The following PTPRT variants were observed in gnomAD, a reference collection of about 807,000 sequenced individuals.
The protein encoded by PTPRT is protein tyrosine phosphatase receptor type T.
Under a neutral mutation model 176.8 loss-of-function variants are expected in PTPRT, and 56 were observed. The observed-to-expected ratio is 0.32, with a 90% CI of 0.26 to 0.40. PTPRT has a LOEUF of 0.40. Among genes scored for constraint, PTPRT ranks in the 10% least tolerant of loss-of-function variants. PTPRT has a pLI of 1.00. For synonymous variants in PTPRT, 783 were observed against 739.0 expected, an observed-to-expected ratio of 1.06 and a Z score of -0.96; for missense variants, 1,540 against 1,908.2, an observed-to-expected ratio of 0.81 and a Z score of 3.60.
At chr20:43,017,703 C>T (rs940795023) in intron 1 of PTPRT, among the ~76,000 whole-genome samples, 4 of 152,226 alleles carry the variant, frequency 2.6e-5, no homozygotes, top group African/African-American at 9.6e-5. Flanking sequence ...AAATTCCATC[C>T]TGTCTCAGAC....
intron 7 of PTPRT, among the ~76,000 whole-genome samples, chr20:42,487,489 C>A (rs60286148): frequency 6.6e-6 from 1 of 152,158 alleles, no homozygotes; most frequent in Non-Finnish European, 1.5e-5. Context: ...GCAAAAAGAA[C>A]ACTGTGAACG....
At chr20:43,125,571 A>C (rs1456354173) in intron 1 of PTPRT, among the ~76,000 whole-genome samples, 1 of 152,238 alleles carries the variant, frequency 6.6e-6, no homozygotes, top group African/African-American at 2.4e-5. Flanking sequence ...TGGCTTGAGC[A>C]AAACTTGTAT....
intron 12 of PTPRT, among the ~76,000 whole-genome samples, chr20:42,284,697 G>A (rs1283356863): frequency 6.6e-6 from 1 of 152,000 alleles, no homozygotes; most frequent in Non-Finnish European, 1.5e-5. Context: ...TCTCCAATCA[G>A]TGCAAAGACT....
At chr20:42,206,525 G>C (rs373956015) in intron 15 of PTPRT, among the ~76,000 whole-genome samples, 1 of 152,000 alleles carries the variant, frequency 6.6e-6, no homozygotes, top group Non-Finnish European at 1.5e-5. Context: ...GGTGACGGAC[G>C]GCACCTGGAA....
At chr20:42,634,844 AACTTG>A (rs751321886) in intron 7 of PTPRT, among the ~76,000 whole-genome samples, 6 of 152,124 alleles carry the variant, frequency 3.9e-5, no homozygotes, top group Non-Finnish European at 8.8e-5. Flanking sequence ...AAATCATTAT[AACTTG>A]ACTTATTATA....
chr20:42,335,832 TAAAC>T (rs2058032171), intron 11 of PTPRT, among the ~76,000 whole-genome samples: 1 of 152,080 alleles, frequency 6.6e-6, no homozygotes, highest in African/African-American at 2.4e-5. Flanking sequence ...TATAACGAAT[TAAAC>T]AAAAAAGCCC....
At position 42,691,350 on chromosome 20, in the gene PTPRT, G is replaced by C. The variant is rs537197678; in HGVS notation, c.860-13191C>G. Among the ~76,000 whole-genome samples, 39 of 152,328 alleles carry C rather than the reference G, an allele frequency of 2.6e-4. No individual in the cohort carries two copies. The South Asian group carries it at 8.1e-3, about 32-fold the overall frequency. On this transcript the variant is annotated intron_variant, in intron 6 of 30. Coordinates refer to ENST00000373187, the MANE Select transcript of PTPRT (RefSeq NM_007050.6). ...TACGCTACCAGCCACAGAAAGAAAG[G>C]CTTACGCAGAAGGTGTCTGTGGCTT...
intron 16 of PTPRT, among the ~76,000 whole-genome samples, chr20:42,197,068 C>T (rs144210102): frequency 3.3e-5 from 5 of 152,164 alleles, no homozygotes; most frequent in East Asian, 3.9e-4. Flanking sequence ...CTCTGCAGGA[C>T]GACAGCCCTA....
rs192561880 is a variant in PTPRT, at chr20:42,273,780, T to G, written c.2176+8709A>C. On this transcript the variant is annotated intron_variant, in intron 13 of 30. Transcript: ENST00000373187. ...ATTACATACATTTCTAAATTTTAAT[T>G]TCTCCACTTATAAAGTGGAGGTAAT... Among the ~76,000 whole-genome samples, 8 of 152,374 alleles carry G rather than the reference T, an allele frequency of 5.3e-5. No homozygotes were observed. In the East Asian group the frequency reaches 1.5e-3, roughly 29 times the overall value.
At chr20:42,880,660 G>T (rs1282560225) in intron 2 of PTPRT, among the ~76,000 whole-genome samples, 1 of 152,200 alleles carries the variant, frequency 6.6e-6, no homozygotes, top group Admixed American at 6.5e-5. Context: ...GGAACTGGTG[G>T]TAGCTGTAGT....
chr20:42,200,951 C>G (rs1991423598), intron 15 of PTPRT, among the ~76,000 whole-genome samples: 1 of 152,220 alleles, frequency 6.6e-6, no homozygotes, highest in Non-Finnish European at 1.5e-5. Context: ...TTGAGCCCCA[C>G]TGATCATGAA....
chr20:42,883,803 C>G (rs1443272698), intron 2 of PTPRT, among the ~76,000 whole-genome samples: 1 of 1,352 alleles, frequency 7.4e-4, no homozygotes, highest in East Asian at 0.015. Context: ...ACACACACAA[C>G]CCTTACACCC....
chr20:42,990,306 CCT>C (rs1983830806), intron 1 of PTPRT, among the ~76,000 whole-genome samples: 1 of 151,762 alleles, frequency 6.6e-6, no homozygotes, highest in South Asian at 2.1e-4. Context: ...CGGTTGCCAA[CCT>C]CTGATTTAGA....
At chr20:42,560,106 G>C (rs1340678400) in intron 7 of PTPRT, among the ~76,000 whole-genome samples, 3 of 152,196 alleles carry the variant, frequency 2.0e-5, no homozygotes, top group Non-Finnish European at 4.4e-5. Context: ...GTTGTCTGAG[G>C]AGGACCAGGC....
At chr20:43,087,525 A>G (rs2146299835) in intron 1 of PTPRT, among the ~76,000 whole-genome samples, 2 of 151,988 alleles carry the variant, frequency 1.3e-5, no homozygotes, top group Middle Eastern at 6.8e-3. Context: ...CACCATGCCC[A>G]GCTAATGTTT....
At chr20:42,380,240 T>C (rs1215346348) in intron 9 of PTPRT, among the ~76,000 whole-genome samples, 2 of 152,186 alleles carry the variant, frequency 1.3e-5, no homozygotes, top group African/African-American at 4.8e-5. Flanking sequence ...CTGTGGAGAC[T>C]GGATCCCTGA....
intron 13 of PTPRT, among the ~76,000 whole-genome samples, chr20:42,252,811 G>C (rs2056569559): frequency 6.6e-6 from 1 of 152,232 alleles, no homozygotes; most frequent in Admixed American, 6.5e-5. Flanking sequence ...CCAGAGCCTA[G>C]AGGTTTAGAC....
intron 9 of PTPRT, among the ~76,000 whole-genome samples, chr20:42,442,148 T>TA (rs2059322041): frequency 6.6e-6 from 1 of 152,156 alleles, no homozygotes; most frequent in Non-Finnish European, 1.5e-5. Context: ...GCCTCTGTCT[T>TA]AAAGAGTTTC....
intron 6 of PTPRT, among the ~76,000 whole-genome samples, chr20:42,700,848 A>G (rs1047108510): frequency 2.6e-5 from 4 of 152,208 alleles, no homozygotes; most frequent in Non-Finnish European, 4.4e-5. Flanking sequence ...GTAATGTTAA[A>G]GTAAAATAAA....
Sources: gnomAD v4.1 joint callset for allele counts (sites outside exome capture counted in the v4.1 genomes callset) on GRCh38, gnomAD v4.1.1 for gene constraint, MANE v1.5 for transcripts, NCBI Gene and HGNC (gene_info 2026-07-23, HGNC 2026-07-21) for gene names.